Variants in RUFY1 observed in about 807,000 individuals in gnomAD.
RUFY1 encodes the protein RUN and FYVE domain containing 1.
RUFY1 carries 54 observed loss-of-function variants against 94.6 expected under a neutral mutation model. That is an observed-to-expected ratio of 0.57 (90% CI 0.46 to 0.72). RUFY1 has a LOEUF of 0.72. Among genes scored for constraint, RUFY1 ranks in the 30% least tolerant of loss-of-function variants. The probability of loss-of-function intolerance (pLI) is 0.00; values close to 1 mark genes in which losing one functional copy is unlikely to be tolerated. For synonymous variants in RUFY1, 396 were observed against 347.3 expected (o/e 1.14, Z -1.56); for missense variants, 883 against 883.9 (o/e 1.00, Z 0.01).
chr5:179,587,383 T>TTCC (rs1764690751), intron 8 of RUFY1, among the ~76,000 whole-genome samples: 1 of 75,602 alleles, frequency 1.3e-5, no homozygotes, highest in Non-Finnish European at 2.6e-5. Context: ...TCTTTCTTTC[T>TTCC]TTTTTTTTTT....
Position 179,601,993 on chromosome 5 carries a change from A to C in RUFY1, c.1856+7A>C. ...TGGGCCTGCACCTCAGCCAGTAAGAACCCCACTCCCCTTGTCTGCCACTGC... is the reference window on the plus strand; with the variant it reads ...TGGGCCTGCACCTCAGCCAGTAAGACCCCCACTCCCCTTGTCTGCCACTGC... On this transcript the variant is annotated splice_region_variant and intron_variant, in intron 15 of 17. Coordinates refer to ENST00000319449, the MANE Select transcript of RUFY1 (RefSeq NM_025158.5). The C allele has an allele frequency of 6.2e-7, 1 of 1,608,302 alleles. No individual in the cohort carries two copies.
intron 5 of RUFY1, among the ~76,000 whole-genome samples, chr5:179,573,799 G>T (rs1369206916): frequency 6.6e-6 from 1 of 152,172 alleles, no homozygotes; most frequent in Non-Finnish European, 1.5e-5. Flanking sequence ...TGGGATTACA[G>T]GCGTGAGCCA....
intron 17 of RUFY1, chr5:179,608,766 T>TA (rs1450112499): frequency 2.1e-5 from 8 of 386,358 alleles, no homozygotes; most frequent in African/African-American, 1.1e-4. Flanking sequence ...TCATCTCTAC[T>TA]AAAAAAATAC....
At chr5:179,605,668 C>T (rs1327847113) in intron 15 of RUFY1, among the ~76,000 whole-genome samples, 1 of 152,104 alleles carries the variant, frequency 6.6e-6, no homozygotes, top group Admixed American at 6.5e-5. Context: ...CAGTCCCAGG[C>T]TCAGCCTCAG....
chr5:179,593,373 C>T, intron 10 of RUFY1, 105 bp from the exon 11 acceptor site: 1 of 1,363,098 alleles, frequency 7.3e-7, no homozygotes, highest in Non-Finnish European at 1.0e-6. Context: ...GCCACCACAC[C>T]CAGCCTTCAG....
At chr5:179,572,352 C>T (rs192745903) in intron 5 of RUFY1, 10 of 197,680 alleles carry the variant, frequency 5.1e-5, no homozygotes, top group Non-Finnish European at 1.1e-4. Context: ...AGGATTTCCG[C>T]AAGCTGGGCT....
Position 179,569,523 on chromosome 5 carries a change from G to T in RUFY1, c.828+98G>T. ...TACTGAACCCAAAGAAGGGCAAATG[G>T]CAAAGAGCCCACTGGTAGAGGACCC... On this transcript the variant is annotated intron_variant, in intron 5 of 17. Transcript: ENST00000319449. The T allele has an allele frequency of 3.2e-6, 4 of 1,247,614 alleles. No individual in the cohort carries two copies. The South Asian group carries it at 5.0e-5, about 16-fold the overall frequency. The allele number at this position is 1,247,614 out of a possible 1,614,324, so 77.3% of individuals were successfully genotyped here.
chr5:179,565,915 G>T (rs1482389483), intron 3 of RUFY1, among the ~76,000 whole-genome samples: 1 of 152,084 alleles, frequency 6.6e-6, no homozygotes, highest in East Asian at 1.9e-4. Flanking sequence ...GCTGAGATGG[G>T]AAGAATGCTT....
chr5:179,550,902 C>T (rs1305837100), intron 1 of RUFY1, 23 bp downstream of exon 1: 10 of 1,113,262 alleles, frequency 9.0e-6, no homozygotes, highest in Non-Finnish European at 1.1e-5. Flanking sequence ...CGGGTCTGTC[C>T]CGCGGCGGAC....
At chr5:179,599,612 C>CT (rs1766108611) in intron 14 of RUFY1, 2 of 152,468 alleles carry the variant, frequency 1.3e-5, no homozygotes, top group African/African-American at 4.8e-5. Context: ...CCAGGAAACT[C>CT]CGAGGCCGTG....
rs963756893 is a variant in RUFY1 at position 179,591,747 on chromosome 5, T to C, written c.1245+6T>C. ...AGGAGAAGAAAGTCCGGTTGGTGAG[T>C]GTGCAAGACCGAGTGTCTTTAGAAA... On this transcript the variant is annotated splice_donor_region_variant and intron_variant, in intron 10 of 17. Transcript: ENST00000319449. The C allele has an allele frequency of 5.3e-6, 8 of 1,518,114 alleles. No homozygotes were observed. The African/African-American group carries it at 9.7e-5, about 18-fold the overall frequency. 94.0% of individuals were successfully genotyped at this position (1,518,114 alleles called of 1,614,324 possible).
At chr5:179,599,616 G>A (rs1441487370) in intron 14 of RUFY1, 1 of 152,362 alleles carries the variant, frequency 6.6e-6, no homozygotes, top group Non-Finnish European at 1.5e-5. Flanking sequence ...GAAACTCCGA[G>A]GCCGTGTGGA....
At chr5:179,559,435 G>GCCTGGAA (rs1762272123) in intron 1 of RUFY1, among the ~76,000 whole-genome samples, 3 of 152,008 alleles carry the variant, frequency 2.0e-5, no homozygotes, top group Non-Finnish European at 4.4e-5. Context: ...TGAGCCTGGA[G>GCCTGGAA]CTGAGGGGAA....
Position 179,569,299 on chromosome 5 carries a change from C to T in RUFY1, c.705-3C>T, listed in dbSNP as rs759058411. The T allele has an allele frequency of 1.2e-6, 2 of 1,613,822 alleles. No individual in the cohort carries two copies. Among genetic ancestry groups the T allele is most frequent in the Non-Finnish European group, 1.7e-6 (2 of 1,179,956 alleles). On this transcript the variant is annotated splice_region_variant and splice_polypyrimidine_tract_variant and intron_variant, in intron 4 of 17. Transcript: ENST00000319449. ...ATCGCCCTGTCCTGTCCATCTCTTT[C>T]AGCGAGTTCTATGAGCCTGAGGCTT... is the stretch of plus-strand genomic sequence containing the variant.
intron 3 of RUFY1, chr5:179,562,865 C>T: frequency 2.0e-6 from 1 of 510,046 alleles, no homozygotes; most frequent in Non-Finnish European, 3.5e-6. Flanking sequence ...TTCCTGCTTG[C>T]CACACAGGCC....
intron 1 of RUFY1, among the ~76,000 whole-genome samples, chr5:179,551,141 G>A (rs1301383197): frequency 6.6e-6 from 1 of 152,192 alleles, no homozygotes; most frequent in African/African-American, 2.4e-5. Context: ...AAGGACGTGT[G>A]CGCGTCCGGG....
intron 3 of RUFY1, among the ~76,000 whole-genome samples, chr5:179,563,209 G>C (rs941032097): frequency 5.3e-5 from 8 of 152,206 alleles, no homozygotes; most frequent in African/African-American, 1.7e-4. Flanking sequence ...ACCCTCTGCA[G>C]AGTTTCCCAG....
In RUFY1 at chr5:179,598,746, G is replaced by A. The variant is rs952924072; in HGVS notation, c.1686G>A (p.Gln562=). ...AAAAAGAGCAAAGACAGGCTCTTCA[G>A]CGCGAATTACAGCACGAGAAAGACA... The part of the protein sequence containing the change: ...KSEKEQRQAL[Q]RELQHEKDTS... Residue 562 remains glutamine, a synonymous_variant, in exon 14 of 18, where the codon CAG becomes CAA. Transcript: ENST00000319449. The A allele has an allele frequency of 6.8e-6, 11 of 1,614,170 alleles. No homozygotes were observed. The Admixed American group carries it at 1.3e-4, about 20-fold the overall frequency.
chr5:179,581,128 AG>A, intron 7 of RUFY1, 116 bp downstream of exon 7: 1 of 652,036 alleles, frequency 1.5e-6, no homozygotes, highest in Non-Finnish European at 2.7e-6. Context: ...CCAAGACAAA[AG>A]GGTCATCATT....
Sources: allele counts gnomAD v4.1 joint callset (sites outside exome capture counted in the v4.1 genomes callset), GRCh38; gene constraint gnomAD v4.1.1; transcripts MANE v1.5; gene names NCBI Gene and HGNC (gene_info 2026-07-23, HGNC 2026-07-21).